RELN: variants seen among roughly 807,000 people sequenced by gnomAD.
RELN encodes the protein reelin.
RELN carries 108 observed loss-of-function variants against 427.6 expected under a neutral mutation model. That is an observed-to-expected ratio of 0.25 (90% CI 0.22 to 0.30). The LOEUF (loss-of-function observed/expected upper bound fraction) is 0.30. Among genes scored for constraint, RELN ranks in the 10% least tolerant of loss-of-function variants. The probability of loss-of-function intolerance (pLI) is 1.00; values close to 1 mark genes in which losing one functional copy is unlikely to be tolerated. For synonymous variants in RELN, 1,524 were observed against 1,513.4 expected (o/e 1.01, Z -0.16); for missense variants, 3,715 against 4,302.8 (o/e 0.86, Z 3.82).
intron 2 of RELN, among the ~76,000 whole-genome samples, chr7:103,885,383 T>C (rs906976405): frequency 3.3e-5 from 5 of 151,450 alleles, no homozygotes; most frequent in Non-Finnish European, 5.9e-5. Context: ...GTGGCACATA[T>C]ACACCATGGA....
chr7:103,948,698 C>T (rs1048149253), intron 1 of RELN, among the ~76,000 whole-genome samples: 2 of 152,020 alleles, frequency 1.3e-5, no homozygotes, highest in African/African-American at 4.8e-5. Flanking sequence ...GGGCATTTCA[C>T]ATCAGGTTTG....
Position 103,848,056 on chromosome 7 carries a change from A to G in RELN, c.338-14384T>C, listed in dbSNP as rs186253663. 2.0e-3 allele frequency among the ~76,000 whole-genome samples: 311 copies of G among 152,322 alleles called. 2 individuals carry two copies. The highest frequency in any genetic ancestry group is 7.2e-3 in the African/African-American group (299 of 41,572). The stretch of plus-strand genomic sequence containing the variant: ...TTATTTAGATATAACATTGCTAGGG[A>G]TAATTCTTTTAGGTCAGCCAATCTG... On this transcript the variant is annotated intron_variant, in intron 2 of 64. Transcript: ENST00000428762.
At position 103,603,573 on chromosome 7, in the gene RELN, T is replaced by C. The variant is rs1831731764; in HGVS notation, c.3147-83A>G. The C allele has an allele frequency of 8.4e-6, 9 of 1,071,934 alleles. No homozygotes were observed. The South Asian group carries it at 8.8e-5, about 10-fold the overall frequency. 66.4% of individuals were successfully genotyped at this position (1,071,934 alleles called of 1,614,324 possible). ...CCTCTGACCTCAACCATTTCCCATG[T>C]CTTACTTTTGCTCAGGTCTTATCAT... On this transcript the variant is annotated intron_variant, in intron 23 of 64. Transcript: ENST00000428762. The surrounding 1 kb of genome is among the most constrained non-coding windows in gnomAD (Gnocchi z 4.3).
At chr7:103,509,158 A>G (rs1331571267) in intron 51 of RELN, among the ~76,000 whole-genome samples, 2 of 152,208 alleles carry the variant, frequency 1.3e-5, no homozygotes, top group Admixed American at 1.3e-4. Context: ...ACTACTTTAA[A>G]TTTCACATGG....
At chr7:103,580,870 T>C (rs1363461259) in intron 28 of RELN, among the ~76,000 whole-genome samples, 1 of 152,190 alleles carries the variant, frequency 6.6e-6, no homozygotes, top group African/African-American at 2.4e-5. Flanking sequence ...TGTATCGTTG[T>C]AGCAATGATG....
chr7:103,819,023 TAC>T (rs1792951130), intron 3 of RELN, among the ~76,000 whole-genome samples: 1 of 152,126 alleles, frequency 6.6e-6, no homozygotes, highest in South Asian at 2.1e-4. Context: ...TACCCCAAGA[TAC>T]ACACTGTTAT....
At chr7:103,704,809 A>G (rs948494674) in intron 8 of RELN, among the ~76,000 whole-genome samples, 2 of 151,886 alleles carry the variant, frequency 1.3e-5, no homozygotes, top group African/African-American at 2.4e-5. Flanking sequence ...CTTTCTCACA[A>G]TCTATTTTCT....
Position 103,567,447 on chromosome 7 carries a change from T to C in RELN, c.4589-688A>G, listed in dbSNP as rs759773728. Among the ~76,000 whole-genome samples the C allele has an allele frequency of 2.6e-4, 40 of 152,298 alleles. 1 individual carries two copies. Among genetic ancestry groups the C allele is most frequent in the South Asian group, 1.5e-3 (7 of 4,822 alleles). On this transcript the variant is annotated intron_variant, in intron 31 of 64. Coordinates refer to ENST00000428762, the MANE Select transcript of RELN (RefSeq NM_005045.4). ...GCACATTAAAGTGTAAGGGACCTCATGTCCCTTCTAAAAGAGGATGCAGAG... is the reference window on the plus strand; with the variant it reads ...GCACATTAAAGTGTAAGGGACCTCACGTCCCTTCTAAAAGAGGATGCAGAG...
At chr7:103,754,854 G>A (rs1791094377) in intron 4 of RELN, among the ~76,000 whole-genome samples, 1 of 152,178 alleles carries the variant, frequency 6.6e-6, no homozygotes, top group Non-Finnish European at 1.5e-5. Flanking sequence ...AGACAAGCTA[G>A]CAAAGGTGAC....
chr7:103,520,617 C>T (rs1417215156), intron 48 of RELN, among the ~76,000 whole-genome samples: 1 of 152,078 alleles, frequency 6.6e-6, no homozygotes, highest in Non-Finnish European at 1.5e-5. Context: ...ATAGCTACAT[C>T]TGGAAATTTT....
At chr7:103,765,297 T>C (rs1482831461) in intron 4 of RELN, among the ~76,000 whole-genome samples, 1 of 152,180 alleles carries the variant, frequency 6.6e-6, no homozygotes, top group Non-Finnish European at 1.5e-5. Context: ...TAAGTTTACA[T>C]TTTTCTGCAA....
chr7:103,573,646 A>G lies in RELN; in HGVS notation c.4511+446T>C, dbSNP rs559540282. Among the ~76,000 whole-genome samples the G allele has an allele frequency of 4.3e-4, 65 of 152,322 alleles. No individual in the cohort carries two copies. The highest frequency in any genetic ancestry group is 5.6e-4 in the Non-Finnish European group (38 of 68,026). On this transcript the variant is annotated intron_variant, in intron 30 of 64. Transcript: ENST00000428762. The surrounding 1 kb of genome is among the most constrained non-coding windows in gnomAD (Gnocchi z 4.4). ...TAAAAACCAAACAGTTCTTTATTTT[A>G]CCAGTAGGTGTCAGTGTAGGCATTT...
Position 103,824,440 on chromosome 7 carries a change from CT to C in RELN, c.473+9096del, listed in dbSNP as rs1198514361. Among the ~76,000 whole-genome samples the C allele has an allele frequency of 6.6e-6, 1 of 152,050 alleles. No individual in the cohort carries two copies. The highest frequency in any genetic ancestry group is 1.5e-5 in the Non-Finnish European group (1 of 68,002). ...CCAGCTCAGTCTCCTTTATTATCTC[CT>C]GCTGTCTTTTAAGAAGCTCCTGACA... is the stretch of plus-strand genomic sequence containing the variant. On this transcript the variant is annotated intron_variant, in intron 3 of 64. Transcript: ENST00000428762. The surrounding 1 kb of genome is among the most constrained non-coding windows in gnomAD (Gnocchi z 4.4).
At chr7:103,681,979 T>C (rs1833661994) in intron 11 of RELN, 137 bp downstream of exon 11, 1 of 872,088 alleles carries the variant, frequency 1.1e-6, no homozygotes, top group Non-Finnish European at 1.9e-6. Flanking sequence ...AGTGCACCCC[T>C]TTTGGCTTGT....
chr7:103,932,266 C>G (rs1795883119), intron 1 of RELN, among the ~76,000 whole-genome samples: 1 of 152,156 alleles, frequency 6.6e-6, no homozygotes, highest in Non-Finnish European at 1.5e-5. Flanking sequence ...GGCTATTATC[C>G]TTAGCAAACT....
At chr7:103,730,290 C>T (rs1790321170) in intron 6 of RELN, among the ~76,000 whole-genome samples, 1 of 151,902 alleles carries the variant, frequency 6.6e-6, no homozygotes. Flanking sequence ...AACTATTTAT[C>T]AAGAAAATAT....
intron 64 of RELN, among the ~76,000 whole-genome samples, 181 bp downstream of exon 64, chr7:103,478,208 G>A (rs1469451785): frequency 2.6e-5 from 4 of 151,758 alleles, no homozygotes; most frequent in African/African-American, 4.8e-5. Context: ...GACTGACTCC[G>A]AATTTACATG....
chr7:103,476,003 T>C (rs1828020041), intron 64 of RELN, among the ~76,000 whole-genome samples: 1 of 152,210 alleles, frequency 6.6e-6, no homozygotes, highest in Non-Finnish European at 1.5e-5. Context: ...TCCTGTTGCC[T>C]TGGACTCCCA....
Position 103,551,091 on chromosome 7 carries a change from T to G in RELN, c.6278A>C (p.His2093Pro), listed in dbSNP as rs149152189. 4.0e-5 allele frequency: 64 copies of G among 1,613,496 alleles called. 1 individual carries two copies. The African/African-American group carries it at 6.7e-4, about 17-fold the overall frequency. Reference protein sequence around the residue: ...TMQGWRREVVHFGKLHLCGSV... With the variant: ...TMQGWRREVVPFGKLHLCGSV... ...CCCACAAAGGTGCAGCTTCCCAAAG[T>G]GCACGACCTCCCTCCTCCAGCCCTG... Residue 2093 changes from histidine (H) to proline (P), a missense_variant, in exon 41 of 65, where the codon CAC (histidine) becomes CCC (proline). By Grantham distance (77) the His-to-Pro change is moderately conservative (BLOSUM62 -2). This residue lies in a region of RELN where 1,310 missense variants were observed against 1,643.0 expected (regional missense o/e 0.80). Coordinates refer to ENST00000428762, the MANE Select transcript of RELN (RefSeq NM_005045.4).
Sources: allele counts gnomAD v4.1 joint callset (sites outside exome capture counted in the v4.1 genomes callset), GRCh38; gene constraint gnomAD v4.1.1; regional missense constraint gnomAD v4.1.1; non-coding constraint Gnocchi (gnomAD v3.1); transcripts MANE v1.5; gene names NCBI Gene and HGNC (gene_info 2026-07-23, HGNC 2026-07-21).